The following LARP4B variants were observed in gnomAD, a reference collection of about 807,000 sequenced individuals.
LARP4B encodes the protein la-related protein 4B.
In LARP4B, 12 loss-of-function variants were observed where a neutral mutation model predicts 89.8. The ratio of observed to expected loss-of-function variants is 0.13; its 90% CI spans 0.09 to 0.22. LARP4B has a LOEUF of 0.22. LARP4B is among the 10% of genes least tolerant of loss of function. LARP4B has a pLI of 1.00. For missense variants in LARP4B, 757 were observed against 947.7 expected, an observed-to-expected ratio of 0.80 and a Z score of 2.64; for synonymous variants, 367 against 363.3, an observed-to-expected ratio of 1.01 and a Z score of -0.12.
At chr10:820,498 G>A (rs1179304278) in intron 14 of LARP4B, 9 of 330,964 alleles carry the variant, frequency 2.7e-5, no homozygotes, top group South Asian at 6.4e-5. Context: ...AAGAGCTCAC[G>A]TGCACACCCG....
At chr10:925,441 A>C (rs1489615954) in intron 1 of LARP4B, among the ~76,000 whole-genome samples, 1 of 152,222 alleles carries the variant, frequency 6.6e-6, no homozygotes, top group Non-Finnish European at 1.5e-5. Context: ...CAATATTGCA[A>C]TTGTTTCATT....
intron 1 of LARP4B, among the ~76,000 whole-genome samples, chr10:923,082 A>G (rs977379499): frequency 6.6e-6 from 1 of 152,176 alleles, no homozygotes; most frequent in East Asian, 1.9e-4. Flanking sequence ...TCAAAAAAAA[A>G]AACAAATCAT....
chr10:867,886 A>C (rs79665335), intron 3 of LARP4B, among the ~76,000 whole-genome samples: 2 of 148,692 alleles, frequency 1.3e-5, no homozygotes, highest in African/African-American at 5.0e-5. Context: ...AAAAAAAAAA[A>C]CTCCAGTGTC....
In LARP4B at chr10:864,232, T is replaced by C; in HGVS notation, c.180A>G (p.Ala60=). 1.2e-6 allele frequency: 2 copies of C among 1,614,174 alleles called. No individual in the cohort carries two copies. The highest frequency in any genetic ancestry group is 1.7e-6 in the Non-Finnish European group (2 of 1,180,038). Residue 60 remains alanine (A), a synonymous_variant, in exon 4 of 18, where the codon GCA becomes GCG. Coordinates refer to ENST00000316157, the MANE Select transcript of LARP4B (RefSeq NM_015155.3). ...GTAACACAGGAGCCCCCCACACTTC[T>C]GCATTAGGGTTCAGCTCTGAAACCT... The part of the protein sequence containing the change: ...ATKVSELNPN[A]EVWGAPVLHL...
intron 8 of LARP4B, among the ~76,000 whole-genome samples, chr10:832,144 C>T (rs999285725): frequency 3.9e-4 from 60 of 152,260 alleles, no homozygotes; most frequent in Admixed American, 1.0e-3. Context: ...CCCGGGTTCA[C>T]GCCATTCTCC....
At chr10:905,905 C>T (rs765939459) in intron 1 of LARP4B, among the ~76,000 whole-genome samples, 7 of 152,346 alleles carry the variant, frequency 4.6e-5, no homozygotes, top group Non-Finnish European at 7.3e-5. Flanking sequence ...CCTTGAAGCC[C>T]ACTCTACCCT....
chr10:913,917 AT>A (rs1836745589), intron 1 of LARP4B, among the ~76,000 whole-genome samples: 1 of 152,222 alleles, frequency 6.6e-6, no homozygotes, highest in African/African-American at 2.4e-5. Context: ...TCAAAAAAAA[AT>A]AAAAATAACG....
At chr10:938,492 A>T in the LARP4B span, among the ~76,000 whole-genome samples, 5 of 151,844 alleles carry the variant, frequency 3.3e-5, no homozygotes, top group Admixed American at 3.3e-4. Context: ...TGCTCTTGTG[A>T]TCCGCCCGCC....
At chr10:832,169 A>G (rs1029313854) in intron 8 of LARP4B, among the ~76,000 whole-genome samples, 5 of 152,016 alleles carry the variant, frequency 3.3e-5, no homozygotes, top group African/African-American at 7.2e-5. Flanking sequence ...TCAGCCTCCC[A>G]AGTAGCTGGG....
chr10:954,744 G>A, the LARP4B span, among the ~76,000 whole-genome samples: 12 of 151,840 alleles, frequency 7.9e-5, no homozygotes, highest in Non-Finnish European at 1.5e-5. This position sits in a 1 kb window ranked among gnomAD's most constrained non-coding sequence, Gnocchi z 5.0. Flanking sequence ...TCTCCTCCCC[G>A]CACTTCCCAG....
chr10:839,429 G>T (rs1214717596), intron 7 of LARP4B, among the ~76,000 whole-genome samples: 1 of 152,098 alleles, frequency 6.6e-6, no homozygotes, highest in East Asian at 1.9e-4. Flanking sequence ...AAAAAATAAA[G>T]TCTACTTCTA....
At chr10:942,369 A>G in the LARP4B span, 1 of 152,310 alleles carries the variant, frequency 6.6e-6, no homozygotes, top group Non-Finnish European at 1.5e-5. Context: ...TTCCAACACC[A>G]GATTCCATGT....
Position 836,649 on chromosome 10 carries a change from T to G in LARP4B, c.647-143A>C, listed in dbSNP as rs1833236561. On this transcript the variant is annotated intron_variant, in intron 7 of 17. Transcript: ENST00000316157. Reference sequence around the variant, plus strand: ...CAAAGTAAACCAATCTCACGTTAGATTTTTCAAAGCTCAGGAATATGGACA... The same window carrying G: ...CAAAGTAAACCAATCTCACGTTAGAGTTTTCAAAGCTCAGGAATATGGACA... 6.7e-6 allele frequency: 4 copies of G among 592,924 alleles called. No individual in the cohort carries two copies. The South Asian group carries it at 9.2e-5, about 14-fold the overall frequency. The allele number at this position is 592,924 out of a possible 1,614,324, so 36.7% of individuals were successfully genotyped here. A position where few individuals can be genotyped will look rare whatever the true frequency, so the allele number is the denominator to read the frequency against.
At chr10:970,186 T>G in the LARP4B span, among the ~76,000 whole-genome samples, 475 of 152,336 alleles carry the variant, frequency 3.1e-3, 4 homozygotes, top group African/African-American at 0.01. Context: ...ATGGATTCGA[T>G]GACTATACAT....
intron 13 of LARP4B, among the ~76,000 whole-genome samples, chr10:824,687 C>T (rs1353293213): frequency 6.6e-6 from 1 of 152,252 alleles, no homozygotes; most frequent in Non-Finnish European, 1.5e-5. Flanking sequence ...CCTGCAGTGC[C>T]TGGTGCACAC....
intron 3 of LARP4B, among the ~76,000 whole-genome samples, chr10:877,251 C>T (rs555243249): frequency 1.4e-4 from 22 of 152,214 alleles, no homozygotes; most frequent in Admixed American, 3.9e-4. Flanking sequence ...TGTGGGGGCG[C>T]GTGTCTGTAG....
Position 850,235 on chromosome 10 carries a change from G to A in LARP4B, c.431-5180C>T, listed in dbSNP as rs74115829. ...AGCAATTACCACACTAAATGTTAAC[G>A]TTCTAAATAGAAGACAAAAAAGCAA... On this transcript the variant is annotated intron_variant, in intron 5 of 17. Coordinates refer to ENST00000316157, the MANE Select transcript of LARP4B (RefSeq NM_015155.3). Among the ~76,000 whole-genome samples the A allele has an allele frequency of 3.1e-3, 478 of 152,232 alleles. 5 individuals are homozygous for A. Among genetic ancestry groups the A allele is most frequent in the African/African-American group, 0.011 (459 of 41,542 alleles).
intron 11 of LARP4B, among the ~76,000 whole-genome samples, chr10:829,127 C>T (rs1832767305): frequency 6.6e-6 from 1 of 152,222 alleles, no homozygotes. Flanking sequence ...CAGCACTTAT[C>T]GCCCTCTGCG....
At chr10:862,256 T>TAAAAAAAAAAAAAAAAAAAAA (rs10661482) in intron 5 of LARP4B, among the ~76,000 whole-genome samples, 3 of 84,396 alleles carry the variant, frequency 3.6e-5, no homozygotes, top group Admixed American at 1.4e-4. Flanking sequence ...CCACTGAAGT[T>TAAAAAAAAAAAAAAAAAAAAA]AAAAAAAAAA....
Sources: allele counts gnomAD v4.1 joint callset (sites outside exome capture counted in the v4.1 genomes callset), GRCh38; gene constraint gnomAD v4.1.1; non-coding constraint Gnocchi (gnomAD v3.1); transcripts MANE v1.5; gene names NCBI Gene and HGNC (gene_info 2026-07-23, HGNC 2026-07-21).